SRFBP1: variants seen among roughly 807,000 people sequenced by gnomAD.
The protein encoded by SRFBP1 is serum response factor-binding protein 1.
A neutral mutation model predicts 45.5 loss-of-function variants in SRFBP1; 47 were observed. The ratio of observed to expected loss-of-function variants is 1.03; its 90% CI spans 0.82 to 1.32. SRFBP1 has a LOEUF of 1.32. SRFBP1 is among the 40% of genes most tolerant of loss of function. SRFBP1 has a pLI of 0.00. For synonymous variants in SRFBP1, 203 were observed against 166.3 expected (o/e 1.22, Z -1.70); for missense variants, 621 against 484.6 (o/e 1.28, Z -2.64).
chr5:122,001,008 GT>G (rs1016803804), intron 4 of SRFBP1, among the ~76,000 whole-genome samples: 7 of 152,188 alleles, frequency 4.6e-5, no homozygotes, highest in African/African-American at 1.7e-4. Context: ...TGGATGTCAT[GT>G]TTTTAATCAA....
downstream of SRFBP1, among the ~76,000 whole-genome samples, chr5:122,032,849 T>A (rs74379007): frequency 4.1e-3 from 620 of 152,302 alleles, 15 homozygotes; most frequent in East Asian, 0.052. Context: ...TTGTTGAAAA[T>A]TGCTAAGTTC....
intron 6 of SRFBP1, 46 bp from the exon 7 acceptor site, chr5:122,022,324 G>C: frequency 6.6e-7 from 1 of 1,521,136 alleles, no homozygotes; most frequent in Non-Finnish European, 9.0e-7. Context: ...CTTAAGATCA[G>C]AGGATTTATC....
intron 3 of SRFBP1, among the ~76,000 whole-genome samples, chr5:121,992,512 T>C (rs911856744): frequency 2.6e-5 from 4 of 152,160 alleles, no homozygotes; most frequent in African/African-American, 9.6e-5. Context: ...AATAACTCCA[T>C]CTTAAAAAAT....
downstream of SRFBP1, among the ~76,000 whole-genome samples, chr5:122,029,049 A>G (rs1442314236): frequency 6.6e-6 from 1 of 150,954 alleles, no homozygotes; most frequent in Non-Finnish European, 1.5e-5. Context: ...AGTCTAGGGC[A>G]TTGGTTCTCG....
intron 4 of SRFBP1, among the ~76,000 whole-genome samples, chr5:122,016,793 T>C (rs1753201589): frequency 1.3e-5 from 2 of 152,182 alleles, no homozygotes; most frequent in Admixed American, 1.3e-4. Context: ...AGGTTCACTT[T>C]GCGCTGTACT....
intron 2 of SRFBP1, among the ~76,000 whole-genome samples, chr5:122,056,984 G>A (rs1048214881): frequency 1.3e-5 from 2 of 152,116 alleles, no homozygotes; most frequent in South Asian, 2.1e-4. Context: ...GTCAGTTAGG[G>A]TGCTTGAAAT....
intron 5 of SRFBP1, 110 bp from the exon 6 acceptor site, chr5:122,019,978 C>G (rs1180606823): frequency 1.5e-6 from 1 of 654,540 alleles, no homozygotes; most frequent in African/African-American, 1.9e-5. Flanking sequence ...AATATCAATT[C>G]CAACTGCCCT....
At chr5:121,965,431 A>G (rs550055023) in intron 1 of SRFBP1, among the ~76,000 whole-genome samples, 299 of 152,332 alleles carry the variant, frequency 2.0e-3, no homozygotes, top group African/African-American at 6.9e-3. Flanking sequence ...TCCCAACACC[A>G]TCTATTAAAT....
downstream of SRFBP1, chr5:122,077,109 T>C: frequency 6.6e-7 from 1 of 1,512,428 alleles, no homozygotes. The surrounding 1 kb of genome is among the most constrained non-coding windows in gnomAD (Gnocchi z 4.9). Flanking sequence ...CCACCGGGAC[T>C]GCAGAGTGGA....
intron 4 of SRFBP1, among the ~76,000 whole-genome samples, chr5:122,011,617 A>T (rs991808256): frequency 3.9e-5 from 6 of 152,068 alleles, no homozygotes; most frequent in Admixed American, 3.9e-4. Context: ...TGTATTAGTT[A>T]TTTGTGCATT....
At chr5:121,982,137 C>T (rs1561579567) in intron 3 of SRFBP1, among the ~76,000 whole-genome samples, 1 of 151,916 alleles carries the variant, frequency 6.6e-6, no homozygotes. Flanking sequence ...TTTATACAGT[C>T]ACCTTAGCCA....
chr5:122,058,835 GTA>G (rs1359720259), intron 2 of SRFBP1, among the ~76,000 whole-genome samples: 1 of 152,088 alleles, frequency 6.6e-6, no homozygotes, highest in African/African-American at 2.4e-5. Context: ...TGAAGCACTG[GTA>G]GCATGGTACC....
At chr5:122,022,478 ATTG>A in intron 7 of SRFBP1, 71 bp downstream of exon 7, 3 of 1,374,470 alleles carry the variant, frequency 2.2e-6, no homozygotes, top group South Asian at 2.6e-5. Context: ...AGAATGAGAA[ATTG>A]TTGTTGCTTA....
chr5:122,019,954 G>GAGT, intron 5 of SRFBP1, 134 bp from the exon 6 acceptor site: 1 of 520,290 alleles, frequency 1.9e-6, no homozygotes, highest in Middle Eastern at 4.5e-4. Context: ...AATTCAGACC[G>GAGT]AGTATATGTA....
chr5:121,970,648 T>C (rs1358775778), intron 1 of SRFBP1, among the ~76,000 whole-genome samples: 1 of 152,018 alleles, frequency 6.6e-6, no homozygotes, highest in Admixed American at 6.6e-5. Flanking sequence ...TTAACTTATC[T>C]AGCAGGAAAG....
At chr5:122,050,649 A>G (rs1409659029) in intron 2 of SRFBP1, among the ~76,000 whole-genome samples, 1 of 151,928 alleles carries the variant, frequency 6.6e-6, no homozygotes, top group East Asian at 1.9e-4. Context: ...TTTTTTGTTT[A>G]TTAGTCCAGC....
chr5:122,066,682 A>C, intron 2 of SRFBP1: 1 of 1,433,994 alleles, frequency 7.0e-7, no homozygotes, highest in Non-Finnish European at 9.8e-7. Flanking sequence ...AAGTTAGTCT[A>C]TTTTTTCCCA....
chr5:122,015,007 G>A (rs1753168469), intron 4 of SRFBP1, among the ~76,000 whole-genome samples: 1 of 152,138 alleles, frequency 6.6e-6, no homozygotes, highest in South Asian at 2.1e-4. Flanking sequence ...TTTTATATCT[G>A]TTCATATATT....
At chr5:122,018,757 G>T (rs1472831653) in intron 4 of SRFBP1, among the ~76,000 whole-genome samples, 1 of 152,052 alleles carries the variant, frequency 6.6e-6, no homozygotes, top group Non-Finnish European at 1.5e-5. Context: ...TTCAGTCTAG[G>T]CCCTGAGAAC....
Sources: gnomAD v4.1 joint callset for allele counts (sites outside exome capture counted in the v4.1 genomes callset) on GRCh38, gnomAD v4.1.1 for gene constraint, Gnocchi (gnomAD v3.1) non-coding constraint, MANE v1.5 for transcripts, NCBI Gene and HGNC (gene_info 2026-07-23, HGNC 2026-07-21) for gene names.